ERAP2: variants seen among roughly 807,000 people sequenced by gnomAD.
ERAP2 encodes endoplasmic reticulum aminopeptidase 2.
A neutral mutation model predicts 111.1 loss-of-function variants in ERAP2; 118 were observed. The ratio of observed to expected loss-of-function variants is 1.06; its 90% CI spans 0.92 to 1.24. The LOEUF (loss-of-function observed/expected upper bound fraction) is 1.24, where lower values mean the gene tolerates loss of function less well. Ranked by LOEUF, ERAP2 falls within the 50% of genes most tolerant of loss-of-function variation. The pLI, the probability that ERAP2 is intolerant of heterozygous loss-of-function variation, is 0.00. For synonymous variants in ERAP2, 410 were observed against 401.2 expected (o/e 1.02, Z -0.26); for missense variants, 1,131 against 1,125.8 (o/e 1.00, Z -0.07).
intron 15 of ERAP2, among the ~76,000 whole-genome samples, chr5:96,911,891 A>T (rs959792170): frequency 6.7e-6 from 1 of 149,128 alleles, no homozygotes; most frequent in African/African-American, 2.5e-5. Flanking sequence ...AGAAAGAAAG[A>T]AAGAAAAGAA....
Position 96,912,662 on chromosome 5 carries a change from G to T in ERAP2, c.2380G>T (p.Val794Leu). 1 of 1,610,454 alleles carries T rather than the reference G, an allele frequency of 6.2e-7. No individual in the cohort carries two copies. The highest frequency in any genetic ancestry group is 8.5e-7 in the Non-Finnish European group (1 of 1,178,884). Residue 794 changes from valine to leucine, a missense_variant, in exon 16 of 19, where the codon GTG (valine) becomes TTG (leucine). Val to Leu is a conservative substitution (Grantham distance 32). Coordinates refer to ENST00000437043, the MANE Select transcript of ERAP2 (RefSeq NM_022350.5). ...TATACCAACAGATGTTTTAAAGATT[G>T]TGTATTCTGTGGGTGCTCAGACAAC... is the stretch of plus-strand genomic sequence containing the variant. ...LNIPTDVLKI[V>L]YSVGAQTTAG...
intron 3 of ERAP2, among the ~76,000 whole-genome samples, chr5:96,885,703 GT>G (rs1397346574): frequency 6.6e-6 from 1 of 152,218 alleles, no homozygotes; most frequent in Non-Finnish European, 1.5e-5. Flanking sequence ...AGGGATAGAG[GT>G]GGGGAAGAGC....
At chr5:96,886,523 T>G (rs2151131508) in intron 3 of ERAP2, 132 bp from the exon 4 acceptor site, 1 of 587,144 alleles carries the variant, frequency 1.7e-6, no homozygotes, top group Non-Finnish European at 2.6e-6. Flanking sequence ...GAGAGGCCAT[T>G]GCCCCCCTAG....
chr5:96,880,469 A>G (rs3733904), intron 2 of ERAP2, among the ~76,000 whole-genome samples: 23,412 of 152,260 alleles, frequency 0.15, 2,284 homozygotes, highest in Middle Eastern at 0.31. Flanking sequence ...CTAGAGGGTG[A>G]ATAACTAGGA....
At chr5:96,911,552 G>C (rs149020522) in intron 15 of ERAP2, among the ~76,000 whole-genome samples, 2 of 151,744 alleles carry the variant, frequency 1.3e-5, no homozygotes, top group African/African-American at 2.4e-5. Context: ...GACTCTCTAG[G>C]CCTAGAGAGT....
Position 96,903,504 on chromosome 5 carries a change from A to G in ERAP2, c.1956A>G (p.Thr652=). The change falls in exon 13 of 19, where the codon ACA becomes ACG. Residue 652 remains threonine (T), a synonymous_variant. Coordinates refer to ENST00000437043, the MANE Select transcript of ERAP2 (RefSeq NM_022350.5). The part of the protein sequence containing the change: ...QLITQLNQNH[T]LLRPKDRVGL... ...TTACACAGCTGAATCAGAACCACACACTTCTCAGACCTAAGGACAGAGTAG... is the reference window on the plus strand; with the variant it reads ...TTACACAGCTGAATCAGAACCACACGCTTCTCAGACCTAAGGACAGAGTAG... 1.9e-6 allele frequency: 3 copies of G among 1,613,930 alleles called. No individual in the cohort carries two copies. The highest frequency in any genetic ancestry group is 1.7e-4 in the Middle Eastern group (1 of 6,060).
chr5:96,877,791 C>T (rs767401113), intron 1 of ERAP2, among the ~76,000 whole-genome samples: 1 of 152,090 alleles, frequency 6.6e-6, no homozygotes, highest in Admixed American at 6.5e-5. Flanking sequence ...ACTTATCAGA[C>T]GTTCTTGGAA....
chr5:96,912,600 T>C (rs774223233), intron 15 of ERAP2, 37 bp from the exon 16 acceptor site: 1 of 1,558,646 alleles, frequency 6.4e-7, no homozygotes, highest in Admixed American at 2.1e-5. Flanking sequence ...TTTTCTTTCA[T>C]AAAACTTTTT....
At chr5:96,891,517 GCCCATATA>G (rs146022635) in intron 5 of ERAP2, among the ~76,000 whole-genome samples, 75,891 of 135,918 alleles carry the variant, frequency 0.56, 20,905 homozygotes, top group Middle Eastern at 0.64. Flanking sequence ...ATATATATAT[GCCCATATA>G]CGGTATATAT....
chr5:96,878,524 A>C (rs2151109273), intron 1 of ERAP2, among the ~76,000 whole-genome samples: 1 of 152,314 alleles, frequency 6.6e-6, no homozygotes, highest in Non-Finnish European at 1.5e-5. Flanking sequence ...ACTTAAAATT[A>C]CATGTGTGCC....
chr5:96,877,903 G>T (rs3806936), intron 1 of ERAP2, among the ~76,000 whole-genome samples: 23,366 of 152,128 alleles, frequency 0.15, 2,276 homozygotes, highest in Middle Eastern at 0.31. Context: ...CCTGTCACCT[G>T]CATTAATATT....
intron 6 of ERAP2, among the ~76,000 whole-genome samples, chr5:96,893,847 C>T (rs1366065252): frequency 6.6e-6 from 1 of 152,200 alleles, no homozygotes; most frequent in Non-Finnish European, 1.5e-5. Context: ...ATCCTCATCT[C>T]TTGCCTACAC....
At chr5:96,886,389 C>G (rs1783713839) in intron 3 of ERAP2, among the ~76,000 whole-genome samples, 1 of 152,204 alleles carries the variant, frequency 6.6e-6, no homozygotes, top group African/African-American at 2.4e-5. Flanking sequence ...TATTTTTATG[C>G]TTTCAATCAA....
intron 4 of ERAP2, among the ~76,000 whole-genome samples, chr5:96,887,218 T>G (rs940501135): frequency 2.0e-4 from 30 of 151,782 alleles, no homozygotes; most frequent in African/African-American, 4.1e-4. Context: ...CATTTAAAAT[T>G]TTAAATAATA....
intron 6 of ERAP2, among the ~76,000 whole-genome samples, chr5:96,894,385 T>C (rs917569329): frequency 1.3e-5 from 2 of 152,194 alleles, no homozygotes; most frequent in African/African-American, 2.4e-5. Flanking sequence ...TTAAACTGTT[T>C]CTAGAAGCTA....
chr5:96,908,182 T>C (rs1786313011), intron 13 of ERAP2, among the ~76,000 whole-genome samples: 1 of 152,186 alleles, frequency 6.6e-6, no homozygotes, highest in Admixed American at 6.5e-5. Context: ...AGTTTCCACA[T>C]CACACGATTG....
chr5:96,912,815 A>G lies in ERAP2; in HGVS notation c.2516+17A>G, dbSNP rs1308668724. ...GTTACTGAAGTAAGTTCAATAATTT[A>G]ACTAAATTGTTATAAGTAAACTGAC... On this transcript the variant is annotated intron_variant, in intron 16 of 18. Coordinates refer to ENST00000437043, the MANE Select transcript of ERAP2 (RefSeq NM_022350.5). 3 of 1,578,868 alleles carry G rather than the reference A, an allele frequency of 1.9e-6. No individual in the cohort carries two copies. The highest frequency in any genetic ancestry group is 4.0e-5 in the Admixed American group (2 of 49,834).
Position 96,909,373 on chromosome 5 carries a change from G to A in ERAP2, c.2170-207G>A, listed in dbSNP as rs567732588. On this transcript the variant is annotated intron_variant, in intron 14 of 18. Coordinates refer to ENST00000437043, the MANE Select transcript of ERAP2 (RefSeq NM_022350.5). Reference sequence around the variant, plus strand: ...TCCATTGATATTCCCCTTTCAGATAGGAAATTAAACCATGTTTAAATGCAA... The same window carrying A: ...TCCATTGATATTCCCCTTTCAGATAAGAAATTAAACCATGTTTAAATGCAA... Among the ~76,000 whole-genome samples the A allele has an allele frequency of 1.1e-3, 170 of 152,256 alleles. 1 individual carries two copies. Among genetic ancestry groups the A allele is most frequent in the Non-Finnish European group, 1.4e-3 (98 of 68,030 alleles).
At chr5:96,901,709 C>T (rs171647) in intron 11 of ERAP2, 28 bp downstream of exon 11, 831,957 of 1,603,882 alleles carry the variant, frequency 0.52, 216,995 homozygotes, top group Admixed American at 0.61. Context: ...TTAGGTCTAG[C>T]TTACCTCATC....
Sources: allele counts gnomAD v4.1 joint callset (sites outside exome capture counted in the v4.1 genomes callset), GRCh38; gene constraint gnomAD v4.1.1; transcripts MANE v1.5; gene names NCBI Gene and HGNC (gene_info 2026-07-23, HGNC 2026-07-21).